The following DPH7 variants were observed in gnomAD, a reference collection of about 807,000 sequenced individuals.
DPH7 encodes the protein diphthamide biosynthesis 7.
Under a neutral mutation model 41.7 loss-of-function variants are expected in DPH7, and 44 were observed. The observed-to-expected ratio is 1.05, with a 90% CI of 0.83 to 1.36. The LOEUF is 1.36. DPH7 is among the 40% of genes most tolerant of loss of function. The probability of loss-of-function intolerance (pLI) is 0.00; values close to 1 mark genes in which losing one functional copy is unlikely to be tolerated. For synonymous variants in DPH7, 275 were observed against 238.0 expected, an observed-to-expected ratio of 1.16 and a Z score of -1.43; for missense variants, 629 against 577.5, an observed-to-expected ratio of 1.09 and a Z score of -0.91.
rs3041762 is a variant in DPH7 at position 137,563,531 on chromosome 9, C to CAAAAAAAA, written c.949+895_949+902dup. Reference sequence around the variant, plus strand: ...TGGGTGACAGAGCAAGACTCCGTCTCAAAAAAAAAAAAAAAAAAGAGGAAT... The same window carrying CAAAAAAAA: ...TGGGTGACAGAGCAAGACTCCGTCTCAAAAAAAAAAAAAAAAAAAAAAAAAAGAGGAAT... On this transcript the variant is annotated intron_variant, in intron 8 of 8. Coordinates refer to ENST00000277540, the MANE Select transcript of DPH7 (RefSeq NM_138778.5). Among the ~76,000 whole-genome samples the CAAAAAAAA allele has an allele frequency of 3.2e-4, 27 of 85,212 alleles. No homozygotes were observed. The South Asian group carries it at 5.9e-3, about 19-fold the overall frequency. 55.9% of individuals were successfully genotyped at this position (85,212 alleles called of 152,430 possible).
rs145460951 is a variant in DPH7, at chr9:137,568,810, C to A, written c.641-3656G>T. Among the ~76,000 whole-genome samples, 9 of 152,246 alleles carry A rather than the reference C, an allele frequency of 5.9e-5. No individual in the cohort carries two copies. The East Asian group carries it at 1.7e-3, about 29-fold the overall frequency. On this transcript the variant is annotated intron_variant, in intron 5 of 8. Coordinates refer to ENST00000277540, the MANE Select transcript of DPH7 (RefSeq NM_138778.5). ...CCTGAAGGCCATCAGGTGCAGGCGA[C>A]CATTGTTCACAGGGGCCGTTACTAG... is the stretch of plus-strand genomic sequence containing the variant.
At chr9:137,557,964 G>A (rs1224188167) in intron 8 of DPH7, among the ~76,000 whole-genome samples, 4 of 151,928 alleles carry the variant, frequency 2.6e-5, no homozygotes, top group Non-Finnish European at 5.9e-5. Flanking sequence ...GTAAAACCTC[G>A]TCTCTACTAA....
chr9:137,575,495 C>CT (rs1564466247), intron 3 of DPH7: 2 of 991,008 alleles, frequency 2.0e-6, no homozygotes, highest in Non-Finnish European at 2.4e-6. Context: ...TCTAAGCTGC[C>CT]TTAAGCAAGG....
intron 8 of DPH7, among the ~76,000 whole-genome samples, chr9:137,563,243 G>C (rs1196945109): frequency 6.6e-6 from 1 of 152,004 alleles, no homozygotes; most frequent in Non-Finnish European, 1.5e-5. Flanking sequence ...AAAACACAGA[G>C]GAATACAGGC....
chr9:137,577,451 G>A lies in DPH7; in HGVS notation c.287+19C>T. On this transcript the variant is annotated intron_variant, in intron 2 of 8. Transcript: ENST00000277540. ...ACTCATGACAAATTCTACACCCAGT[G>A]GGATTATCACAGTTATACCATTTCA... is the stretch of plus-strand genomic sequence containing the variant. The A allele has an allele frequency of 6.2e-7, 1 of 1,610,772 alleles. No homozygotes were observed. Among genetic ancestry groups the A allele is most frequent in the Non-Finnish European group, 8.5e-7 (1 of 1,177,590 alleles).
rs771901986 is a variant in DPH7, at chr9:137,555,640, G to GCCT, written c.955_957dup (p.Arg319dup). The GCCT allele has an allele frequency of 6.3e-7, 1 of 1,598,270 alleles. No individual in the cohort carries two copies. The highest frequency in any genetic ancestry group is 8.5e-7 in the Non-Finnish European group (1 of 1,170,164). ...TGAGATGTCAGGACCGTCGCCTCCT[G>GCCT]CCTCTCCTCTGGAGTGAGAGATGGG... On this transcript the variant is annotated inframe_insertion, in exon 9 of 9. Coordinates refer to ENST00000277540, the MANE Select transcript of DPH7 (RefSeq NM_138778.5).
At chr9:137,564,707 A>C in intron 7 of DPH7, 101 bp from the exon 8 acceptor site, 2 of 1,508,594 alleles carry the variant, frequency 1.3e-6, no homozygotes, top group South Asian at 2.4e-5. Context: ...GACCTGTCCC[A>C]TGCATCCCTC....
intron 3 of DPH7, 42 bp from the exon 4 acceptor site, chr9:137,574,885 C>A: frequency 6.2e-7 from 1 of 1,609,428 alleles, no homozygotes; most frequent in African/African-American, 1.3e-5. Flanking sequence ...AAGTAGCCGC[C>A]CCAGAACCCC....
rs147525069 is a variant in DPH7, at chr9:137,572,363, C to T, written c.640+1845G>A. On this transcript the variant is annotated intron_variant, in intron 5 of 8. Coordinates refer to ENST00000277540, the MANE Select transcript of DPH7 (RefSeq NM_138778.5). ...CCAGATTCCACAGGCCTTGGGTAATCGCATCACTATTTTGGATTTTATCCT... is the reference window on the plus strand; with the variant it reads ...CCAGATTCCACAGGCCTTGGGTAATTGCATCACTATTTTGGATTTTATCCT... Among the ~76,000 whole-genome samples, 230 of 152,278 alleles carry T rather than the reference C, an allele frequency of 1.5e-3. 1 individual carries two copies. The highest frequency in any genetic ancestry group is 5.4e-3 in the African/African-American group (223 of 41,546).
chr9:137,575,197 C>G, intron 3 of DPH7: 5 of 1,015,970 alleles, frequency 4.9e-6, no homozygotes, highest in Non-Finnish European at 5.9e-6. Flanking sequence ...CAGTTTCCCA[C>G]CCCAGGCCTC....
chr9:137,556,703 G>C lies in DPH7; in HGVS notation c.950-1055C>G. The C allele has an allele frequency of 2.5e-6, 1 of 403,264 alleles. No individual in the cohort carries two copies. The highest frequency in any genetic ancestry group is 2.8e-5 in the Admixed American group (1 of 35,682). 25.0% of individuals were successfully genotyped at this position (403,264 alleles called of 1,614,324 possible). On this transcript the variant is annotated intron_variant, in intron 8 of 8. Coordinates refer to ENST00000277540, the MANE Select transcript of DPH7 (RefSeq NM_138778.5). This position sits in a 1 kb window ranked among gnomAD's most constrained non-coding sequence, Gnocchi z 5.2. ...ACCCTCGGGAGGAAGCCCCTGGGGA[G>C]GCCGTTACTGTCCCTTGGGAGGTAG...
chr9:137,555,448 T>C lies in DPH7; in HGVS notation c.1150A>G (p.Asn384Asp), dbSNP rs201727982. 3 of 1,614,130 alleles carry C rather than the reference T, an allele frequency of 1.9e-6. No homozygotes were observed. The highest frequency in any genetic ancestry group is 2.7e-5 in the African/African-American group (2 of 75,056). The change falls in exon 9 of 9, where the codon AAC (asparagine) becomes GAC (aspartate). Residue 384 changes from asparagine (N) to aspartate (D), a missense_variant. Transcript: ENST00000277540. ...PTPCHECRED[N>D]DGEGHARPQS... The stretch of plus-strand genomic sequence containing the variant: ...GGTCTGGCATGGCCCTCCCCATCGT[T>C]ATCCTCTCTGCATTCATGACAGGGT...
intron 5 of DPH7, among the ~76,000 whole-genome samples, chr9:137,569,671 GACCCACCACCCACC>G (rs1234715598): frequency 1.6e-5 from 1 of 64,458 alleles, no homozygotes; most frequent in Admixed American, 1.7e-4. Flanking sequence ...CACCACCCAC[GACCCACCACCCACC>G]ACCCACCATC....
chr9:137,555,129 C>T lies in DPH7; in HGVS notation c.*110G>A. 7.3e-7 allele frequency: 1 copy of T among 1,363,042 alleles called. No homozygotes were observed. The allele number at this position is 1,363,042 out of a possible 1,614,324, so 84.4% of individuals were successfully genotyped here. On this transcript the variant is annotated 3_prime_UTR_variant, in exon 9 of 9. Coordinates refer to ENST00000277540, the MANE Select transcript of DPH7 (RefSeq NM_138778.5). ...GACTACACTGTGGATTCCATCAGTG[C>T]ACAGGCACCTGCAGGGCTGCAGTAA...
chr9:137,578,576 A>G, intron 1 of DPH7, 49 bp downstream of exon 1: 4 of 1,423,696 alleles, frequency 2.8e-6, no homozygotes, highest in Non-Finnish European at 9.1e-7. Flanking sequence ...TTCGGCCTCA[A>G]CCTCGTGGCC....
At chr9:137,572,314 C>T (rs1306775242) in intron 5 of DPH7, among the ~76,000 whole-genome samples, 1 of 152,212 alleles carries the variant, frequency 6.6e-6, no homozygotes, top group Non-Finnish European at 1.5e-5. Flanking sequence ...GGAGCCAAAA[C>T]AAGGCCGGAG....
At chr9:137,564,777 C>A (rs554016189) in intron 7 of DPH7, 116 bp downstream of exon 7, 13 of 1,433,574 alleles carry the variant, frequency 9.1e-6, no homozygotes, top group Non-Finnish European at 1.2e-5. Context: ...CACTGGCAGA[C>A]GAAATGCTGC....
In DPH7 at chr9:137,575,165, C is replaced by T. The variant is rs1588934017; in HGVS notation, c.376-322G>A. 6.6e-6 allele frequency: 7 copies of T among 1,060,988 alleles called. No individual in the cohort carries two copies. The East Asian group carries it at 5.6e-4, about 84-fold the overall frequency. 65.7% of individuals were successfully genotyped at this position (1,060,988 alleles called of 1,614,324 possible). A position where few individuals can be genotyped will look rare whatever the true frequency, so the allele number is the denominator to read the frequency against. On this transcript the variant is annotated intron_variant, in intron 3 of 8. Coordinates refer to ENST00000277540, the MANE Select transcript of DPH7 (RefSeq NM_138778.5). Reference sequence around the variant, plus strand: ...GATGCTGTCGAGATGCCTGTGCAGGCTCCAGACCACAGTGGCACACACAGT... The same window carrying T: ...GATGCTGTCGAGATGCCTGTGCAGGTTCCAGACCACAGTGGCACACACAGT...
chr9:137,561,219 A>G (rs929762830), intron 8 of DPH7, among the ~76,000 whole-genome samples: 8 of 152,142 alleles, frequency 5.3e-5, no homozygotes, highest in Non-Finnish European at 1.0e-4. Flanking sequence ...GATTGGGGCA[A>G]ACACCACCTT....
Sources: gnomAD v4.1 joint callset for allele counts (sites outside exome capture counted in the v4.1 genomes callset) on GRCh38, gnomAD v4.1.1 for gene constraint, Gnocchi (gnomAD v3.1) non-coding constraint, MANE v1.5 for transcripts, NCBI Gene and HGNC (gene_info 2026-07-23, HGNC 2026-07-21) for gene names.